Variants in SLC25A4 observed in about 807,000 individuals in gnomAD.
The protein encoded by SLC25A4 is solute carrier family 25 member 4.
SLC25A4 carries 10 observed loss-of-function variants against 24.7 expected under a neutral mutation model. The observed-to-expected ratio is 0.41, with a 90% CI of 0.25 to 0.69. The LOEUF (loss-of-function observed/expected upper bound fraction) is 0.69, where lower values mean the gene tolerates loss of function less well. Ranked by LOEUF, SLC25A4 falls within the 30% of genes least tolerant of loss-of-function variation. The pLI, the probability that SLC25A4 is intolerant of heterozygous loss-of-function variation, is 0.35. For missense variants in SLC25A4, 273 were observed against 387.6 expected (o/e 0.70, Z 2.48); for synonymous variants, 125 against 153.3 (o/e 0.82, Z 1.36).
intron 1 of SLC25A4, among the ~76,000 whole-genome samples, chr4:185,143,833 C>T (rs569565374): frequency 7.2e-5 from 11 of 152,244 alleles, no homozygotes; most frequent in Admixed American, 3.9e-4. Context: ...ATTTTTGGCA[C>T]CGTCTTATGC....
At position 185,146,763 on chromosome 4, in the gene SLC25A4, A is replaced by G. The variant is rs1450586555; in HGVS notation, c.740-51A>G. ...GTGTACAGATATGTTTCAGGGGAAA[A>G]GTCTCTTTCCTCCAGCGTTACGGAG... is the stretch of plus-strand genomic sequence containing the variant. On this transcript the variant is annotated intron_variant, in intron 3 of 3. Transcript: ENST00000281456. 5 of 1,607,968 alleles carry G rather than the reference A, an allele frequency of 3.1e-6. No homozygotes were observed. The African/African-American group carries it at 6.7e-5, about 21-fold the overall frequency.
In SLC25A4 at chr4:185,145,405, A is replaced by G. The variant is rs1734424429; in HGVS notation, c.598+155A>G. ...ATGAGGAGGTGATGTGCATAAGTTA[A>G]TAGCTGAAGCGTTCCTTGTGTCCTC... On this transcript the variant is annotated intron_variant, in intron 2 of 3. Transcript: ENST00000281456. This position sits in a 1 kb window ranked among gnomAD's most constrained non-coding sequence, Gnocchi z 5.5. 1 of 1,135,818 alleles carries G rather than the reference A, an allele frequency of 8.8e-7. No individual in the cohort carries two copies. The highest frequency in any genetic ancestry group is 2.1e-5 in the Admixed American group (1 of 47,236). 70.4% of individuals were successfully genotyped at this position (1,135,818 alleles called of 1,614,324 possible). A position where few individuals can be genotyped will look rare whatever the true frequency, so the allele number is the denominator to read the frequency against.
intron 1 of SLC25A4, 141 bp downstream of exon 1, chr4:185,143,624 C>G (rs1734386456): frequency 9.2e-6 from 1 of 109,018 alleles, no homozygotes; most frequent in African/African-American, 2.9e-5. Flanking sequence ...CGCCCGCCCG[C>G]CCGCCCGCGG....
In SLC25A4 at chr4:185,145,414, G is replaced by C. The variant is rs1734424621; in HGVS notation, c.598+164G>C. ...TGATGTGCATAAGTTAATAGCTGAA[G>C]CGTTCCTTGTGTCCTCTACTGAAAT... On this transcript the variant is annotated intron_variant, in intron 2 of 3. Coordinates refer to ENST00000281456, the MANE Select transcript of SLC25A4 (RefSeq NM_001151.4). This position sits in a 1 kb window ranked among gnomAD's most constrained non-coding sequence, Gnocchi z 5.5. 1 of 1,058,340 alleles carries C rather than the reference G, an allele frequency of 9.4e-7. No homozygotes were observed. Among genetic ancestry groups the C allele is most frequent in the African/African-American group, 1.6e-5 (1 of 63,334 alleles). 65.6% of individuals were successfully genotyped at this position (1,058,340 alleles called of 1,614,324 possible).
At position 185,145,397 on chromosome 4, in the gene SLC25A4, A is replaced by T. The variant is rs756575957; in HGVS notation, c.598+147A>T. 1.3e-5 allele frequency: 16 copies of T among 1,210,530 alleles called. No individual in the cohort carries two copies. In the Admixed American group the frequency reaches 2.0e-4, roughly 15 times the overall value. 75.0% of individuals were successfully genotyped at this position (1,210,530 alleles called of 1,614,324 possible). A position where few individuals can be genotyped will look rare whatever the true frequency, so the allele number is the denominator to read the frequency against. ...GCTTCTGAATGAGGAGGTGATGTGC[A>T]TAAGTTAATAGCTGAAGCGTTCCTT... On this transcript the variant is annotated intron_variant, in intron 2 of 3. Coordinates refer to ENST00000281456, the MANE Select transcript of SLC25A4 (RefSeq NM_001151.4). This position sits in a 1 kb window ranked among gnomAD's most constrained non-coding sequence, Gnocchi z 5.5.
chr4:185,145,958 C>T lies in SLC25A4; in HGVS notation c.739+59C>T. ...GGTTTTGCCCGAGGAGAACATTTTA[C>T]AGGGCTCCTTTCAGTCTTCCTTACT... On this transcript the variant is annotated intron_variant, in intron 3 of 3. Transcript: ENST00000281456. This position sits in a 1 kb window ranked among gnomAD's most constrained non-coding sequence, Gnocchi z 5.5. The T allele has an allele frequency of 6.3e-7, 1 of 1,590,334 alleles. No homozygotes were observed.
chr4:185,143,911 C>T (rs1417182405), intron 1 of SLC25A4, among the ~76,000 whole-genome samples: 2 of 152,228 alleles, frequency 1.3e-5, no homozygotes. Context: ...GTATCTCATG[C>T]ACAATGCTGT....
In SLC25A4 at chr4:185,145,696, C is replaced by T. The variant is rs1233967741; in HGVS notation, c.599-63C>T. 1 of 1,602,270 alleles carries T rather than the reference C, an allele frequency of 6.2e-7. No homozygotes were observed. The highest frequency in any genetic ancestry group is 8.5e-7 in the Non-Finnish European group (1 of 1,170,698). The stretch of plus-strand genomic sequence containing the variant: ...TGGAGGTGCAGTGGCCTCTCTCCCT[C>T]CACCTGCTTTCTGCTGAGAACAGGC... On this transcript the variant is annotated intron_variant, in intron 2 of 3. Coordinates refer to ENST00000281456, the MANE Select transcript of SLC25A4 (RefSeq NM_001151.4). This position sits in a 1 kb window ranked among gnomAD's most constrained non-coding sequence, Gnocchi z 5.5.
rs751839874 is a variant in SLC25A4, at chr4:185,145,268, G to C, written c.598+18G>C. The C allele has an allele frequency of 1.2e-6, 2 of 1,613,692 alleles. No homozygotes were observed. Among genetic ancestry groups the C allele is most frequent in the Non-Finnish European group, 1.7e-6 (2 of 1,180,028 alleles). ...TGCCAAGGGTGAGAGAGGGGCATCG[G>C]GGAGAAGGAGGGTGGTGTGGAAAGA... On this transcript the variant is annotated intron_variant, in intron 2 of 3. Transcript: ENST00000281456. The surrounding 1 kb of genome is among the most constrained non-coding windows in gnomAD (Gnocchi z 5.5).
Position 185,145,367 on chromosome 4 carries a change from T to C in SLC25A4, c.598+117T>C, listed in dbSNP as rs761585690. 1.6e-5 allele frequency: 24 copies of C among 1,497,166 alleles called. No homozygotes were observed. Among genetic ancestry groups the C allele is most frequent in the East Asian group, 1.4e-4 (6 of 44,266 alleles). The allele number at this position is 1,497,166 out of a possible 1,614,324, so 92.7% of individuals were successfully genotyped here. A position where few individuals can be genotyped will look rare whatever the true frequency, so the allele number is the denominator to read the frequency against. ...TTGTTTTTTCTAGTCTCTGGGATAA[T>C]TGAGGCTTCTGAATGAGGAGGTGAT... On this transcript the variant is annotated intron_variant, in intron 2 of 3. Transcript: ENST00000281456. This position sits in a 1 kb window ranked among gnomAD's most constrained non-coding sequence, Gnocchi z 5.5.
chr4:185,144,851 T>C lies in SLC25A4; in HGVS notation c.199T>C (p.Phe67Leu), dbSNP rs1268283735. ...CVVRIPKEQGFLSFWRGNLAN... is the reference protein window; with the variant it reads ...CVVRIPKEQGLLSFWRGNLAN... ...GGTGAGAATCCCTAAGGAGCAGGGC[T>C]TCCTCTCCTTCTGGAGGGGTAACCT... Residue 67 changes from phenylalanine (F) to leucine (L), a missense_variant, in exon 2 of 4, where the codon TTC (phenylalanine) becomes CTC (leucine). Physicochemically the swap from Phe to Leu is conservative, Grantham distance 22. Transcript: ENST00000281456. The C allele has an allele frequency of 1.2e-6, 2 of 1,614,102 alleles. No individual in the cohort carries two copies. The highest frequency in any genetic ancestry group is 2.2e-5 in the South Asian group (2 of 91,076).
Position 185,143,422 on chromosome 4 carries a change from T to C in SLC25A4, c.50T>C (p.Val17Ala), listed in dbSNP as rs1438981540. Residue 17 changes from valine (V) to alanine (A), a missense_variant, in exon 1 of 4, where the codon GTC becomes GCC. Coordinates refer to ENST00000281456, the MANE Select transcript of SLC25A4 (RefSeq NM_001151.4). ...CTAAAGGACTTCCTGGCCGGGGGCG[T>C]CGCCGCTGCCGTCTCCAAGACCGCG... ...SFLKDFLAGG[V>A]AAAVSKTAVA... 2.0e-6 allele frequency: 3 copies of C among 1,525,128 alleles called. No individual in the cohort carries two copies. The highest frequency in any genetic ancestry group is 1.2e-5 in the South Asian group (1 of 81,576). The allele number at this position is 1,525,128 out of a possible 1,614,324, so 94.5% of individuals were successfully genotyped here.
Position 185,144,988 on chromosome 4 carries a change from C to G in SLC25A4, c.336C>G (p.Tyr112Ter). Residue 112 changes from tyrosine (Y) to a stop codon, truncating the protein, a stop_gained, in exon 2 of 4, where the codon TAC becomes TAG. Coordinates refer to ENST00000281456, the MANE Select transcript of SLC25A4 (RefSeq NM_001151.4). LOFTEE classifies it high-confidence loss of function. The part of the protein sequence containing the change: ...GVDRHKQFWR[Y>*]FAGNLASGGA... Reference sequence around the variant, plus strand: ...ATCGGCATAAGCAGTTCTGGCGCTACTTTGCTGGTAACCTGGCGTCCGGTG... The same window carrying G: ...ATCGGCATAAGCAGTTCTGGCGCTAGTTTGCTGGTAACCTGGCGTCCGGTG... 6.2e-7 allele frequency: 1 copy of G among 1,613,412 alleles called. No homozygotes were observed. The highest frequency in any genetic ancestry group is 1.7e-5 in the Admixed American group (1 of 59,964).
In SLC25A4 at chr4:185,147,151, T is replaced by C. The variant is rs1734456467; in HGVS notation, c.*180T>C. ...GTGTTCATTAAACCACACATGTATT[T>C]TGTATTTATTTTACATTTAAATTCC... On this transcript the variant is annotated 3_prime_UTR_variant, in exon 4 of 4. Coordinates refer to ENST00000281456, the MANE Select transcript of SLC25A4 (RefSeq NM_001151.4). 5 of 574,272 alleles carry C rather than the reference T, an allele frequency of 8.7e-6. No individual in the cohort carries two copies. Among genetic ancestry groups the C allele is most frequent in the Admixed American group, 6.3e-5 (2 of 31,518 alleles). The allele number at this position is 574,272 out of a possible 1,614,324, so 35.6% of individuals were successfully genotyped here.
rs774601405 is a variant in SLC25A4, at chr4:185,143,344, C to T, written c.-29C>T. 7.2e-7 allele frequency: 1 copy of T among 1,380,784 alleles called. No individual in the cohort carries two copies. The highest frequency in any genetic ancestry group is 1.3e-5 in the South Asian group (1 of 79,116). The allele number at this position is 1,380,784 out of a possible 1,614,324, so 85.5% of individuals were successfully genotyped here. A position where few individuals can be genotyped will look rare whatever the true frequency, so the allele number is the denominator to read the frequency against. On this transcript the variant is annotated 5_prime_UTR_variant, in exon 1 of 4. Coordinates refer to ENST00000281456, the MANE Select transcript of SLC25A4 (RefSeq NM_001151.4). ...GTGGGCGAGAGCACGAACGGGCTGC[C>T]TGCGGGCTGAGAGCGTCGAGCTGTC...
rs570755334 is a variant in SLC25A4, at chr4:185,147,272, C to T, written c.*301C>T. On this transcript the variant is annotated 3_prime_UTR_variant, in exon 4 of 4. Coordinates refer to ENST00000281456, the MANE Select transcript of SLC25A4 (RefSeq NM_001151.4). ...ACATCAATAAAGACCACTTAATGCACGCTTTCTATTTTATTGAACTCTTAT... is the reference window on the plus strand; with the variant it reads ...ACATCAATAAAGACCACTTAATGCATGCTTTCTATTTTATTGAACTCTTAT... 4 of 303,266 alleles carry T rather than the reference C, an allele frequency of 1.3e-5. No individual in the cohort carries two copies. The highest frequency in any genetic ancestry group is 7.1e-5 in the East Asian group (1 of 14,044). 18.8% of individuals were successfully genotyped at this position (303,266 alleles called of 1,614,324 possible).
At position 185,145,472 on chromosome 4, in the gene SLC25A4, A is replaced by AG; in HGVS notation, c.598+228dup. On this transcript the variant is annotated intron_variant, in intron 2 of 3. Coordinates refer to ENST00000281456, the MANE Select transcript of SLC25A4 (RefSeq NM_001151.4). This position sits in a 1 kb window ranked among gnomAD's most constrained non-coding sequence, Gnocchi z 5.5. ...GGCCTTTAGTTATTCAGAGAGGAGG[A>AG]GGGGGGAGCCTGTCTCCCTCTAGAC... 3 of 732,838 alleles carry AG rather than the reference A, an allele frequency of 4.1e-6. No individual in the cohort carries two copies. The highest frequency in any genetic ancestry group is 5.4e-5 in the East Asian group (2 of 37,016). The allele number at this position is 732,838 out of a possible 1,614,324, so 45.4% of individuals were successfully genotyped here.
rs760607285 is a variant in SLC25A4 at position 185,145,341 on chromosome 4, C to G, written c.598+91C>G. On this transcript the variant is annotated intron_variant, in intron 2 of 3. Transcript: ENST00000281456. This position sits in a 1 kb window ranked among gnomAD's most constrained non-coding sequence, Gnocchi z 5.5. Reference sequence around the variant, plus strand: ...CACAAAGGACCTGATATATATTGATCTTGTTTTTTCTAGTCTCTGGGATAA... The same window carrying G: ...CACAAAGGACCTGATATATATTGATGTTGTTTTTTCTAGTCTCTGGGATAA... 1.3e-6 allele frequency: 2 copies of G among 1,583,000 alleles called. No individual in the cohort carries two copies. The highest frequency in any genetic ancestry group is 1.3e-5 in the African/African-American group (1 of 74,390).
Position 185,143,330 on chromosome 4 carries a change from C to T in SLC25A4, c.-43C>T. 3.2e-6 allele frequency: 4 copies of T among 1,234,898 alleles called. No individual in the cohort carries two copies. Among genetic ancestry groups the T allele is most frequent in the Non-Finnish European group, 4.6e-6 (4 of 874,032 alleles). The allele number at this position is 1,234,898 out of a possible 1,614,324, so 76.5% of individuals were successfully genotyped here. ...GTGCCAGGCCGGGCGTGGGCGAGAG[C>T]ACGAACGGGCTGCCTGCGGGCTGAG... On this transcript the variant is annotated 5_prime_UTR_variant, in exon 1 of 4. Transcript: ENST00000281456.
Sources: allele counts gnomAD v4.1 joint callset (sites outside exome capture counted in the v4.1 genomes callset), GRCh38; gene constraint gnomAD v4.1.1; non-coding constraint Gnocchi (gnomAD v3.1); transcripts MANE v1.5; gene names NCBI Gene and HGNC (gene_info 2026-07-23, HGNC 2026-07-21).